The following FAM47C variants were observed in gnomAD, a reference collection of about 807,000 sequenced individuals.
FAM47C encodes the protein putative protein FAM47C.
For missense variants in FAM47C, 847 were observed against 879.9 expected (o/e 0.96, Z 0.47); for synonymous variants, 307 against 346.5 (o/e 0.89, Z 1.27).
chrX:37,011,616 G>A lies in FAM47C; in HGVS notation c.*98G>A, dbSNP rs1556333535. On this transcript the variant is annotated 3_prime_UTR_variant, in exon 1 of 1. Transcript: ENST00000358047. ...CTGGCCCCAGGAATGTACAACGTTGGCAACATCTGTAAATTCAATACCTAA... is the reference window on the plus strand; with the variant it reads ...CTGGCCCCAGGAATGTACAACGTTGACAACATCTGTAAATTCAATACCTAA... 1 of 775,958 alleles carries A rather than the reference G, an allele frequency of 1.3e-6. No individual in the cohort carries two copies. Among genetic ancestry groups the A allele is most frequent in the African/African-American group, 2.1e-5 (1 of 47,331 alleles). 63.9% of individuals were successfully genotyped at this position (775,958 alleles called of 1,213,427 possible). A position where few individuals can be genotyped will look rare whatever the true frequency, so the allele number is the denominator to read the frequency against.
rs1359697471 is a variant in FAM47C, at chrX:37,008,598, A to C, written c.188A>C (p.Gln63Pro). 7.4e-6 allele frequency: 9 copies of C among 1,211,332 alleles called. No homozygotes were observed. Among genetic ancestry groups the C allele is most frequent in the South Asian group, 1.8e-5 (1 of 56,920 alleles). Residue 63 changes from glutamine (Q) to proline (P), a missense_variant, in exon 1 of 1, where the codon CAG (glutamine) becomes CCG (proline). Coordinates refer to ENST00000358047, the MANE Select transcript of FAM47C (RefSeq NM_001013736.3). ...ATGGACGACTTCCGCTACGGCTGTCAGTCTCCTGAAGATACGCTTGTTTGT... is the reference window on the plus strand; with the variant it reads ...ATGGACGACTTCCGCTACGGCTGTCCGTCTCCTGAAGATACGCTTGTTTGT... ...EGMDDFRYGC[Q>P]SPEDTLVCRR...
At position 37,010,882 on chromosome X, in the gene FAM47C, A is replaced by G. The variant is rs782501923; in HGVS notation, c.2472A>G (p.Leu824=). 4 of 1,210,281 alleles carry G rather than the reference A, an allele frequency of 3.3e-6. No homozygotes were observed. Among genetic ancestry groups the G allele is most frequent in the African/African-American group, 1.7e-5 (1 of 57,191 alleles). ...CTACCAAGACCGGAGCGTCCCATCT[A>G]AAAGAACTGTTTCAGGAAGGTACAT... ...PEPTKTGASH[L]KELFQEGTSS... Residue 824 remains leucine (L), a synonymous_variant, in exon 1 of 1, where the codon CTA becomes CTG. Coordinates refer to ENST00000358047, the MANE Select transcript of FAM47C (RefSeq NM_001013736.3).
Position 37,011,118 on chromosome X carries a change from T to C in FAM47C, c.2708T>C (p.Leu903Pro), listed in dbSNP as rs1927789597. 1 of 1,211,444 alleles carries C rather than the reference T, an allele frequency of 8.3e-7. No individual in the cohort carries two copies. Among genetic ancestry groups the C allele is most frequent in the Admixed American group, 2.2e-5 (1 of 45,997 alleles). Residue 903 changes from leucine to proline, a missense_variant, in exon 1 of 1, where the codon CTA becomes CCA. Physicochemically the swap from Leu to Pro is moderately conservative, Grantham distance 98. Coordinates refer to ENST00000358047, the MANE Select transcript of FAM47C (RefSeq NM_001013736.3). ...TCAGGGCTGAAGTACAGCATGGAGC[T>C]AGACGAAATGGATGAGGTCAAATTC... ...CSSGLKYSMELDEMDEVKFFS... is the reference protein window; with the variant it reads ...CSSGLKYSMEPDEMDEVKFFS...
In FAM47C at chrX:37,009,288, A is replaced by AG; in HGVS notation, c.878_879insG (p.His293GlnfsTer8). 8.4e-7 allele frequency: 1 copy of AG among 1,189,191 alleles called. No homozygotes were observed. Among genetic ancestry groups the AG allele is most frequent in the African/African-American group, 1.9e-5 (1 of 52,399 alleles). ...GAGCCTCCCAAGACTCGCGTATCTC[A>AG]TCTCCATCGGGAGCCTCCTGAGACT... On this transcript the variant is annotated frameshift_variant, in exon 1 of 1. Coordinates refer to ENST00000358047, the MANE Select transcript of FAM47C (RefSeq NM_001013736.3). LOFTEE classifies it low-confidence loss of function (END_TRUNC).
At position 37,009,233 on chromosome X, in the gene FAM47C, C is replaced by T; in HGVS notation, c.823C>T (p.Pro275Ser). 3 of 1,210,753 alleles carry T rather than the reference C, an allele frequency of 2.5e-6. No individual in the cohort carries two copies. Among genetic ancestry groups the T allele is most frequent in the Middle Eastern group, 2.3e-4 (1 of 4,353 alleles). The change falls in exon 1 of 1, where the codon CCT becomes TCT. Residue 275 changes from proline (P) to serine (S), a missense_variant. Transcript: ENST00000358047. ...AGTGTCCCATCTCTACCTGGAGCCTCCTGGGACTGGAGTGTCTCATCTCTG... is the reference window on the plus strand; with the variant it reads ...AGTGTCCCATCTCTACCTGGAGCCTTCTGGGACTGGAGTGTCTCATCTCTG... ...TGVSHLYLEPPGTGVSHLCPE... is the reference protein window; with the variant it reads ...TGVSHLYLEPSGTGVSHLCPE...
chrX:37,009,494 C>T lies in FAM47C; in HGVS notation c.1084C>T (p.Arg362Cys), dbSNP rs782233021. 1.7e-5 allele frequency: 20 copies of T among 1,204,031 alleles called. No individual in the cohort carries two copies. The highest frequency in any genetic ancestry group is 1.4e-4 in the South Asian group (8 of 56,482). The change falls in exon 1 of 1, where the codon CGC (arginine) becomes TGC (cysteine). Residue 362 changes from arginine to cysteine, a missense_variant. Transcript: ENST00000358047. The stretch of plus-strand genomic sequence containing the variant: ...TCTCTGCCCGGAACCTCCAGAGACT[C>T]GCGTATCTCCTCTCCGCCAGCTGCC... ...SHLCPEPPETRVSPLRQLPPE... is the reference protein window; with the variant it reads ...SHLCPEPPETCVSPLRQLPPE...
rs148160398 is a variant in FAM47C, at chrX:37,010,086, G to T, written c.1676G>T (p.Arg559Leu). Residue 559 changes from arginine to leucine, a missense_variant, in exon 1 of 1, where the codon CGC becomes CTC. Arg to Leu is a moderately radical substitution (Grantham distance 102). Coordinates refer to ENST00000358047, the MANE Select transcript of FAM47C (RefSeq NM_001013736.3). ...EPPETGVSHL[R>L]PEPPKTRMYS... ...CCTGAGACTGGAGTGTCCCATCTCCGCCCAGAGCCTCCCAAGACTCGGATG... is the reference window on the plus strand; with the variant it reads ...CCTGAGACTGGAGTGTCCCATCTCCTCCCAGAGCCTCCCAAGACTCGGATG... 1.7e-6 allele frequency: 2 copies of T among 1,190,850 alleles called. No individual in the cohort carries two copies. The highest frequency in any genetic ancestry group is 2.3e-6 in the Non-Finnish European group (2 of 887,486).
In FAM47C at chrX:37,010,251, G is replaced by A. The variant is rs782535331; in HGVS notation, c.1841G>A (p.Arg614His). 5 of 1,178,631 alleles carry A rather than the reference G, an allele frequency of 4.2e-6. No homozygotes were observed. Among genetic ancestry groups the A allele is most frequent in the Admixed American group, 4.7e-5 (2 of 42,504 alleles). ...CTCTGCCCGGAGCCTCCAGAGACTC[G>A]CGTATCTCATCTCCGCCCAGAGCCT... is the stretch of plus-strand genomic sequence containing the variant. ...SHLCPEPPETRVSHLRPEPPE... is the reference protein window; with the variant it reads ...SHLCPEPPETHVSHLRPEPPE... Residue 614 changes from arginine to histidine, a missense_variant, in exon 1 of 1, where the codon CGC becomes CAC. By Grantham distance (29) the Arg-to-His change is conservative (BLOSUM62 0). Transcript: ENST00000358047.
At position 37,010,481 on chromosome X, in the gene FAM47C, C is replaced by T. The variant is rs781942309; in HGVS notation, c.2071C>T (p.Arg691Cys). 9 of 1,199,457 alleles carry T rather than the reference C, an allele frequency of 7.5e-6. No homozygotes were observed. The highest frequency in any genetic ancestry group is 7.4e-5 in the African/African-American group (4 of 53,865). Residue 691 changes from arginine to cysteine, a missense_variant, in exon 1 of 1, where the codon CGC becomes TGC. Coordinates refer to ENST00000358047, the MANE Select transcript of FAM47C (RefSeq NM_001013736.3). ...EPPETRVSHL[R>C]PEPPETGVSR... ...TCCAGAGACTCGCGTATCTCATCTC[C>T]GCCCAGAGCCTCCTGAGACTGGAGT...
chrX:37,011,360 G>A lies in FAM47C; in HGVS notation c.2950G>A (p.Asp984Asn), dbSNP rs1556333445. Residue 984 changes from aspartate (D) to asparagine (N), a missense_variant, in exon 1 of 1, where the codon GAT becomes AAT. Asp to Asn is a conservative substitution (Grantham distance 23, BLOSUM62 1). Coordinates refer to ENST00000358047, the MANE Select transcript of FAM47C (RefSeq NM_001013736.3). ...TCTTTATGGACCAATCGCCTTTAAG[G>A]ATTTCATTCTAAGCAAGGGCTATGA... is the stretch of plus-strand genomic sequence containing the variant. Reference protein sequence around the residue: ...DGLYGPIAFKDFILSKGYEMP... With the variant: ...DGLYGPIAFKNFILSKGYEMP... The A allele has an allele frequency of 2.5e-6, 3 of 1,211,631 alleles. No individual in the cohort carries two copies. Among genetic ancestry groups the A allele is most frequent in the African/African-American group, 1.7e-5 (1 of 57,778 alleles).
At position 37,009,638 on chromosome X, in the gene FAM47C, C is replaced by T. The variant is rs1412392577; in HGVS notation, c.1228C>T (p.Arg410Cys). The T allele has an allele frequency of 5.0e-6, 6 of 1,204,521 alleles. No individual in the cohort carries two copies. Among genetic ancestry groups the T allele is most frequent in the Non-Finnish European group, 5.6e-6 (5 of 893,440 alleles). Residue 410 changes from arginine to cysteine, a missense_variant, in exon 1 of 1, where the codon CGC (arginine) becomes TGC (cysteine). By Grantham distance (180) the Arg-to-Cys change is radical (BLOSUM62 -3). Coordinates refer to ENST00000358047, the MANE Select transcript of FAM47C (RefSeq NM_001013736.3). ...TCTCTTCCCGGAGCCTCCCAAGACTCGCATATCTAATCTCCGCTCGGAGCC... is the reference window on the plus strand; with the variant it reads ...TCTCTTCCCGGAGCCTCCCAAGACTTGCATATCTAATCTCCGCTCGGAGCC... ...SPLFPEPPKT[R>C]ISNLRSEPPK...
Position 37,010,231 on chromosome X carries a change from C to T in FAM47C, c.1821C>T (p.Cys607=). 1 of 1,181,143 alleles carries T rather than the reference C, an allele frequency of 8.5e-7. No individual in the cohort carries two copies. The highest frequency in any genetic ancestry group is 1.1e-6 in the Non-Finnish European group (1 of 884,339). Residue 607 remains cysteine, a synonymous_variant, in exon 1 of 1, where the codon TGC becomes TGT. Coordinates refer to ENST00000358047, the MANE Select transcript of FAM47C (RefSeq NM_001013736.3). ...EPPETGVSHL[C]PEPPETRVSH... is the part of the protein sequence containing the mutation. ...CCGAGACTGGAGTGTCCCATCTCTGCCCGGAGCCTCCAGAGACTCGCGTAT... is the reference window on the plus strand; with the variant it reads ...CCGAGACTGGAGTGTCCCATCTCTGTCCGGAGCCTCCAGAGACTCGCGTAT...
In FAM47C at chrX:37,008,445, C is replaced by G; in HGVS notation, c.35C>G (p.Ser12Cys). The G allele has an allele frequency of 8.3e-7, 1 of 1,209,253 alleles. No homozygotes were observed. The highest frequency in any genetic ancestry group is 1.7e-5 in the African/African-American group (1 of 57,994). ...CAGAGGCCGCAGGACCGGCCCAGTT[C>G]CCCGGGCATGGACTCCACGCCCTGG... ...GDQRPQDRPS[S>C]PGMDSTPWYC... Residue 12 changes from serine to cysteine, a missense_variant, in exon 1 of 1, where the codon TCC becomes TGC. Transcript: ENST00000358047.
At position 37,011,416 on chromosome X, in the gene FAM47C, C is replaced by T; in HGVS notation, c.3006C>T (p.Ala1002=). The T allele has an allele frequency of 8.3e-7, 1 of 1,211,979 alleles. No homozygotes were observed. Among genetic ancestry groups the T allele is most frequent in the South Asian group, 1.8e-5 (1 of 56,990 alleles). ...EMPGIIQRLF[A]RRGWTYDSVK... is the part of the protein sequence containing the mutation. Reference sequence around the variant, plus strand: ...CTGGCATCATTCAAAGGCTGTTTGCCAGGAGGGGATGGACTTATGACTCTG... The same window carrying T: ...CTGGCATCATTCAAAGGCTGTTTGCTAGGAGGGGATGGACTTATGACTCTG... Residue 1002 remains alanine (A), a synonymous_variant, in exon 1 of 1, where the codon GCC becomes GCT. Coordinates refer to ENST00000358047, the MANE Select transcript of FAM47C (RefSeq NM_001013736.3).
chrX:37,011,140 A>T lies in FAM47C; in HGVS notation c.2730A>T (p.Lys910Asn). Residue 910 changes from lysine to asparagine, a missense_variant, in exon 1 of 1, where the codon AAA becomes AAT. Coordinates refer to ENST00000358047, the MANE Select transcript of FAM47C (RefSeq NM_001013736.3). The part of the protein sequence containing the change: ...SMELDEMDEV[K>N]FFSQEKDLDG... ...AGCTAGACGAAATGGATGAGGTCAAATTCTTCTCACAGGAAAAAGACTTGG... is the reference window on the plus strand; with the variant it reads ...AGCTAGACGAAATGGATGAGGTCAATTTCTTCTCACAGGAAAAAGACTTGG... 8.3e-7 allele frequency: 1 copy of T among 1,211,323 alleles called. No homozygotes were observed. Among genetic ancestry groups the T allele is most frequent in the Non-Finnish European group, 1.1e-6 (1 of 895,262 alleles).
Position 37,008,585 on chromosome X carries a change from C to T in FAM47C, c.175C>T (p.Arg59Cys). 1.6e-6 allele frequency: 2 copies of T among 1,212,591 alleles called. No homozygotes were observed. The highest frequency in any genetic ancestry group is 2.2e-6 in the Non-Finnish European group (2 of 895,662). Residue 59 changes from arginine (R) to cysteine (C), a missense_variant, in exon 1 of 1, where the codon CGC becomes TGC. Arg to Cys is a radical substitution (Grantham distance 180, BLOSUM62 -3). Transcript: ENST00000358047. Reference protein sequence around the residue: ...VFVTEGMDDFRYGCQSPEDTL... With the variant: ...VFVTEGMDDFCYGCQSPEDTL... ...TGTGACGGAGGGCATGGACGACTTC[C>T]GCTACGGCTGTCAGTCTCCTGAAGA...
Position 37,008,508 on chromosome X carries a change from G to C in FAM47C, c.98G>C (p.Arg33Pro). ...CCGCCTTCCAAGTACTTCGCGAAGC[G>C]CAAGCACAGGCGCCTGAGGTTCCCG... is the stretch of plus-strand genomic sequence containing the variant. ...DKPPSKYFAKRKHRRLRFPPV... is the reference protein window; with the variant it reads ...DKPPSKYFAKPKHRRLRFPPV... The change falls in exon 1 of 1, where the codon CGC becomes CCC. Residue 33 changes from arginine (R) to proline (P), a missense_variant. Physicochemically the swap from Arg to Pro is moderately radical, Grantham distance 103. Coordinates refer to ENST00000358047, the MANE Select transcript of FAM47C (RefSeq NM_001013736.3). The C allele has an allele frequency of 3.3e-6, 4 of 1,212,424 alleles. No homozygotes were observed. The highest frequency in any genetic ancestry group is 4.5e-6 in the Non-Finnish European group (4 of 895,603).
At position 37,010,822 on chromosome X, in the gene FAM47C, C is replaced by T; in HGVS notation, c.2412C>T (p.Pro804=). Residue 804 remains proline, a synonymous_variant, in exon 1 of 1, where the codon CCC becomes CCT. Coordinates refer to ENST00000358047, the MANE Select transcript of FAM47C (RefSeq NM_001013736.3). ...TGTCCAGTCTCCGCCTGGAGCCTCC[C>T]AAGACTGGTCGGGTGTCCAGTCTCT... is the stretch of plus-strand genomic sequence containing the variant. ...RRVSSLRLEP[P]KTGRVSSLCP... is the part of the protein sequence containing the mutation. 8.3e-7 allele frequency: 1 copy of T among 1,210,878 alleles called. No individual in the cohort carries two copies. Among genetic ancestry groups the T allele is most frequent in the Non-Finnish European group, 1.1e-6 (1 of 895,248 alleles).
Position 37,010,935 on chromosome X carries a change from C to T in FAM47C, c.2525C>T (p.Ser842Phe). ...AGCACAATGGAGTGTGTTTCTGACT[C>T]TCTTCAACGTAGACACACATCGAGA... is the stretch of plus-strand genomic sequence containing the variant. ...TSSTMECVSD[S>F]LQRRHTSRKL... is the part of the protein sequence containing the mutation. Residue 842 changes from serine to phenylalanine, a missense_variant, in exon 1 of 1, where the codon TCT becomes TTT. By Grantham distance (155) the Ser-to-Phe change is radical. Transcript: ENST00000358047. 8.3e-7 allele frequency: 1 copy of T among 1,212,115 alleles called. No individual in the cohort carries two copies. The highest frequency in any genetic ancestry group is 1.1e-6 in the Non-Finnish European group (1 of 895,631).
Sources: gnomAD v4.1 joint callset for allele counts on GRCh38, gnomAD v4.1.1 for gene constraint, MANE v1.5 for transcripts, NCBI Gene and HGNC (gene_info 2026-07-23, HGNC 2026-07-21) for gene names.